ARHGEF3: variants seen among roughly 807,000 people sequenced by gnomAD.
The protein encoded by ARHGEF3 is Rho guanine nucleotide exchange factor 3.
ARHGEF3 carries 28 observed loss-of-function variants against 63.2 expected under a neutral mutation model. The ratio of observed to expected loss-of-function variants is 0.44; its 90% confidence interval spans 0.33 to 0.61. ARHGEF3 has a LOEUF of 0.61. Among genes scored for constraint, ARHGEF3 ranks in the 20% least tolerant of loss-of-function variants. The probability of loss-of-function intolerance (pLI) is 0.03; values close to 1 mark genes in which losing one functional copy is unlikely to be tolerated. For synonymous variants in ARHGEF3, 266 were observed against 254.2 expected (o/e 1.05, Z -0.44); for missense variants, 533 against 659.3 (o/e 0.81, Z 2.10).
Position 57,059,854 on chromosome 3 carries a change from G to A in ARHGEF3, c.-28+19372C>T, listed in dbSNP as rs543792080. 1.3e-4 allele frequency among the ~76,000 whole-genome samples: 20 copies of A among 152,190 alleles called. 1 individual carries two copies. The East Asian group carries it at 3.9e-3, about 29-fold the overall frequency. ...TCTACTAAAAATACAAAAGTAGCCAGGCATGGTGGCACATGCCTGTAATCC... is the reference window on the plus strand; with the variant it reads ...TCTACTAAAAATACAAAAGTAGCCAAGCATGGTGGCACATGCCTGTAATCC... On this transcript the variant is annotated intron_variant, in intron 1 of 12. Transcript: ENST00000338458.
intron 2 of ARHGEF3, among the ~76,000 whole-genome samples, chr3:56,759,449 G>A (rs1424575541): frequency 6.6e-6 from 1 of 152,042 alleles, no homozygotes; most frequent in Non-Finnish European, 1.5e-5. Flanking sequence ...GATTACAGGC[G>A]TGAGCCTCCG....
chr3:56,753,185 T>C (rs1340154024), intron 4 of ARHGEF3, among the ~76,000 whole-genome samples: 2 of 152,244 alleles, frequency 1.3e-5, no homozygotes, highest in Non-Finnish European at 2.9e-5. Context: ...TTCTCTCCTA[T>C]GGGCAAAGAG....
chr3:57,061,452 C>A (rs1421831143), intron 1 of ARHGEF3, among the ~76,000 whole-genome samples: 2 of 152,176 alleles, frequency 1.3e-5, no homozygotes, highest in Non-Finnish European at 2.9e-5. Flanking sequence ...TGTGAGCCAT[C>A]TCACTCAACC....
At chr3:56,938,622 T>C (rs1699024206) in intron 3 of ARHGEF3, 1 of 152,216 alleles carries the variant, frequency 6.6e-6, no homozygotes, top group Admixed American at 6.5e-5. Flanking sequence ...GTAACATACA[T>C]GAGGCCTTAG....
chr3:56,917,889 C>T lies in ARHGEF3; in HGVS notation c.130-35535G>A, dbSNP rs75780833. Among the ~76,000 whole-genome samples, 971 of 152,328 alleles carry T rather than the reference C, an allele frequency of 6.4e-3. 9 individuals are homozygous for T. The highest frequency in any genetic ancestry group is 0.023 in the African/African-American group (941 of 41,570). ...AGTGAAATCACTGTAAAAAGCCTTA[C>T]GCCTTTCAGGCAAGCATCTGGGTCA... is the stretch of plus-strand genomic sequence containing the variant. On this transcript the variant is annotated intron_variant, in intron 3 of 12. Coordinates refer to the ARHGEF3 transcript ENST00000338458.
At chr3:56,801,644 G>A (rs1333459265) in intron 1 of ARHGEF3, 59 bp downstream of exon 1, 2 of 1,533,786 alleles carry the variant, frequency 1.3e-6, no homozygotes, top group African/African-American at 2.8e-5. Flanking sequence ...AATGGGAGAT[G>A]GAGGCAGACG....
At chr3:56,803,265 G>T (rs2037739243), upstream of ARHGEF3, among the ~76,000 whole-genome samples, 1 of 151,736 alleles carries the variant, frequency 6.6e-6, no homozygotes, top group South Asian at 2.1e-4. Flanking sequence ...GTGAAACCCT[G>T]TGTCTACAAA....
intron 3 of ARHGEF3, among the ~76,000 whole-genome samples, chr3:56,918,499 T>C (rs887157497): frequency 4.2e-4 from 64 of 152,264 alleles, no homozygotes; most frequent in Non-Finnish European, 1.0e-4. Context: ...CTTGAGGGGC[T>C]CCAGGGCAGG....
intron 4 of ARHGEF3, among the ~76,000 whole-genome samples, chr3:56,827,368 A>T (rs1456826666): frequency 6.6e-6 from 1 of 152,198 alleles, no homozygotes; most frequent in Non-Finnish European, 1.5e-5. Flanking sequence ...TTTAAGAGAT[A>T]GCAGGGTGTT....
chr3:56,900,199 C>T lies in ARHGEF3; in HGVS notation c.130-17845G>A, dbSNP rs377172036. Among the ~76,000 whole-genome samples the T allele has an allele frequency of 3.3e-5, 5 of 152,226 alleles. 1 individual carries two copies. The highest frequency in any genetic ancestry group is 3.9e-4 in the East Asian group (2 of 5,188). ...ACATATTGTTAGGACCAAGTGATGC[C>T]CACTTTTGGATGTGTTATAACAACA... On this transcript the variant is annotated intron_variant, in intron 3 of 12. Transcript: ENST00000338458.
At chr3:56,989,630 A>G (rs942447954) in intron 2 of ARHGEF3, among the ~76,000 whole-genome samples, 1 of 152,312 alleles carries the variant, frequency 6.6e-6, no homozygotes. Flanking sequence ...CCCAGACTCA[A>G]GCCCAGGACA....
intron 2 of ARHGEF3, among the ~76,000 whole-genome samples, chr3:56,762,511 G>A (rs908998198): frequency 6.6e-6 from 1 of 152,222 alleles, no homozygotes; most frequent in East Asian, 1.9e-4. Context: ...TGGCATGTGC[G>A]CTTTACACGT....
chr3:56,796,329 C>T (rs553195913), intron 1 of ARHGEF3, among the ~76,000 whole-genome samples: 2 of 152,216 alleles, frequency 1.3e-5, no homozygotes, highest in South Asian at 4.2e-4. Flanking sequence ...TTGCAAATAT[C>T]CAGATGGTAT....
At chr3:56,919,684 T>C (rs1212969017) in intron 3 of ARHGEF3, among the ~76,000 whole-genome samples, 1 of 152,244 alleles carries the variant, frequency 6.6e-6, no homozygotes, top group Non-Finnish European at 1.5e-5. Context: ...CCACAATTAC[T>C]GAAACCACAG....
chr3:57,045,197 A>G (rs9790072), intron 1 of ARHGEF3, among the ~76,000 whole-genome samples: 137,402 of 152,198 alleles, frequency 0.9, 63,665 homozygotes, highest in East Asian at 1. Flanking sequence ...AACCTAGGAG[A>G]CGGAGGTTAA....
intron 3 of ARHGEF3, among the ~76,000 whole-genome samples, chr3:56,923,612 C>T (rs1044677500): frequency 6.6e-6 from 1 of 152,058 alleles, no homozygotes; most frequent in East Asian, 1.9e-4. Context: ...TCTTACAATG[C>T]TGACTTCCCT....
chr3:56,948,314 C>G (rs1699620687), intron 3 of ARHGEF3, among the ~76,000 whole-genome samples: 1 of 152,046 alleles, frequency 6.6e-6, no homozygotes, highest in Non-Finnish European at 1.5e-5. Flanking sequence ...CATAAAAAAC[C>G]CTTCAAAAAA....
At chr3:56,918,653 G>A (rs990293409) in intron 3 of ARHGEF3, among the ~76,000 whole-genome samples, 3 of 152,156 alleles carry the variant, frequency 2.0e-5, no homozygotes, top group Non-Finnish European at 2.9e-5. Flanking sequence ...AAGAACTCCC[G>A]GATTGAAATG....
intron 4 of ARHGEF3, among the ~76,000 whole-genome samples, chr3:56,835,849 G>A (rs573879328): frequency 1.3e-4 from 20 of 152,190 alleles, no homozygotes; most frequent in African/African-American, 4.8e-4. Flanking sequence ...CCTGACCTCT[G>A]GGGAAAAAAG....
Sources: gnomAD v4.1 joint callset for allele counts (sites outside exome capture counted in the v4.1 genomes callset) on GRCh38, gnomAD v4.1.1 for gene constraint, MANE v1.5 for transcripts, NCBI Gene and HGNC (gene_info 2026-07-23, HGNC 2026-07-21) for gene names.